Variants in SRPK2 observed in about 807,000 individuals in gnomAD.
SRPK2 encodes the protein SFRS protein kinase 2.
Under a neutral mutation model 90.8 loss-of-function variants are expected in SRPK2, and 21 were observed. That is an observed-to-expected ratio of 0.23 (90% CI 0.16 to 0.33). SRPK2 has a LOEUF of 0.33. Among genes scored for constraint, SRPK2 ranks in the 10% least tolerant of loss-of-function variants. The probability of loss-of-function intolerance (pLI) is 1.00; values close to 1 mark genes in which losing one functional copy is unlikely to be tolerated. For synonymous variants in SRPK2, 288 were observed against 311.1 expected (o/e 0.93, Z 0.78); for missense variants, 620 against 869.0 (o/e 0.71, Z 3.60).
chr7:105,380,420 C>T (rs1319715360), intron 2 of SRPK2, among the ~76,000 whole-genome samples: 1 of 151,968 alleles, frequency 6.6e-6, no homozygotes, highest in Non-Finnish European at 1.5e-5. Context: ...CATGCATATA[C>T]ATGTATGCTA....
chr7:105,388,407 G>A (rs1821902323), intron 2 of SRPK2, among the ~76,000 whole-genome samples: 1 of 148,374 alleles, frequency 6.7e-6, no homozygotes, highest in Admixed American at 6.7e-5. Flanking sequence ...GGCGACCCGG[G>A]GCGGGAGGTC....
intron 2 of SRPK2, among the ~76,000 whole-genome samples, chr7:105,242,527 A>T (rs1353986854): frequency 6.6e-6 from 1 of 152,138 alleles, no homozygotes; most frequent in African/African-American, 2.4e-5. Context: ...TAAATAAATA[A>T]ATAAAAAGCA....
In SRPK2 at chr7:105,231,689, T is replaced by C. The variant is rs563028172; in HGVS notation, c.72-27904A>G. 3.0e-4 allele frequency among the ~76,000 whole-genome samples: 46 copies of C among 152,390 alleles called. 1 individual carries two copies. The highest frequency in any genetic ancestry group is 4.1e-4 in the Non-Finnish European group (28 of 68,038). ...CTGAGATACTGAACTTTTTTTCATATGCTTATTGGCCCCATGTATGTCTTC... is the reference window on the plus strand; with the variant it reads ...CTGAGATACTGAACTTTTTTTCATACGCTTATTGGCCCCATGTATGTCTTC... On this transcript the variant is annotated intron_variant, in intron 2 of 15. Coordinates refer to ENST00000393651, the MANE Select transcript of SRPK2 (RefSeq NM_182692.3).
upstream of SRPK2, among the ~76,000 whole-genome samples, chr7:105,393,724 T>C (rs1822243854): frequency 6.6e-6 from 1 of 152,122 alleles, no homozygotes; most frequent in Non-Finnish European, 1.5e-5. Context: ...CAGTGTTTTT[T>C]AGCATATTCA....
chr7:105,307,169 G>A (rs1333851891), intron 2 of SRPK2, among the ~76,000 whole-genome samples: 1 of 152,046 alleles, frequency 6.6e-6, no homozygotes, highest in East Asian at 1.9e-4. Flanking sequence ...TGGGAGGGGA[G>A]GTAATCAAAG....
In SRPK2 at chr7:105,143,250, C is replaced by T; in HGVS notation, c.894G>A (p.Leu298=). Residue 298 remains leucine, a synonymous_variant, in exon 10 of 16, where the codon CTG becomes CTA. Coordinates refer to ENST00000393651, the MANE Select transcript of SRPK2 (RefSeq NM_182692.3). ...KRQAELLEKR[L]QEIEELEREA... ...CTCGCTCCAATTCTTCTATCTCCTG[C>T]AGGCGCTTCTCCAATAACTCAGCCT... The T allele has an allele frequency of 1.2e-6, 2 of 1,614,190 alleles. No homozygotes were observed. Among genetic ancestry groups the T allele is most frequent in the Non-Finnish European group, 1.7e-6 (2 of 1,180,038 alleles).
intron 7 of SRPK2, among the ~76,000 whole-genome samples, chr7:105,148,562 A>G (rs1204180007): frequency 1.3e-5 from 2 of 152,250 alleles, no homozygotes; most frequent in African/African-American, 4.8e-5. Context: ...TATTACATCA[A>G]TGACCATTCA....
chr7:105,367,733 C>T (rs770363858), intron 2 of SRPK2, among the ~76,000 whole-genome samples: 1 of 152,078 alleles, frequency 6.6e-6, no homozygotes, highest in Non-Finnish European at 1.5e-5. Flanking sequence ...CAAATAGTGC[C>T]GTGTACAGTC....
intron 2 of SRPK2, among the ~76,000 whole-genome samples, chr7:105,217,597 A>T (rs1797623553): frequency 6.6e-6 from 1 of 152,134 alleles, no homozygotes; most frequent in African/African-American, 2.4e-5. Flanking sequence ...CTCAGAACTG[A>T]TTTTCTCCTT....
intron 2 of SRPK2, among the ~76,000 whole-genome samples, chr7:105,289,759 A>C (rs980330266): frequency 6.6e-6 from 1 of 152,100 alleles, no homozygotes; most frequent in Non-Finnish European, 1.5e-5. Context: ...CTTTGCATTC[A>C]TACTTGTCTA....
At chr7:105,199,601 T>C (rs1585147380) in intron 3 of SRPK2, among the ~76,000 whole-genome samples, 1 of 152,068 alleles carries the variant, frequency 6.6e-6, no homozygotes, top group African/African-American at 2.4e-5. Flanking sequence ...GGGAAATCAA[T>C]CAACTAAGTC....
At chr7:105,323,874 TA>T (rs1414695559) in intron 2 of SRPK2, among the ~76,000 whole-genome samples, 1 of 152,196 alleles carries the variant, frequency 6.6e-6, no homozygotes, top group Non-Finnish European at 1.5e-5. Flanking sequence ...TTCTTCCAGA[TA>T]TGAAAGACCA....
At chr7:105,277,792 C>T (rs1806717218) in intron 2 of SRPK2, among the ~76,000 whole-genome samples, 1 of 152,198 alleles carries the variant, frequency 6.6e-6, no homozygotes, top group Non-Finnish European at 1.5e-5. Flanking sequence ...GTCACTCTCT[C>T]ATTAATAATC....
chr7:105,297,471 G>A, intron 2 of SRPK2: 1 of 985,306 alleles, frequency 1.0e-6, no homozygotes, highest in Non-Finnish European at 1.2e-6. Flanking sequence ...TCCCTGATAT[G>A]GTGGCCATCT....
intron 6 of SRPK2, among the ~76,000 whole-genome samples, chr7:105,163,555 G>A (rs1026482835): frequency 2.0e-5 from 3 of 152,172 alleles, no homozygotes; most frequent in African/African-American, 7.2e-5. Flanking sequence ...AGCACTTTGG[G>A]AAGCTGAGGC....
intron 2 of SRPK2, among the ~76,000 whole-genome samples, chr7:105,207,089 G>A (rs1796315350): frequency 6.6e-6 from 1 of 152,180 alleles, no homozygotes; most frequent in Non-Finnish European, 1.5e-5. Flanking sequence ...TTTCTCCTAG[G>A]GCAGAAATAG....
intron 2 of SRPK2, among the ~76,000 whole-genome samples, chr7:105,275,838 T>C (rs929814693): frequency 2.0e-5 from 3 of 152,198 alleles, no homozygotes; most frequent in Admixed American, 2.0e-4. Flanking sequence ...GCTGTGGGCA[T>C]GATATGCTCC....
chr7:105,174,281 T>C (rs1791552407), intron 3 of SRPK2, among the ~76,000 whole-genome samples: 3 of 152,118 alleles, frequency 2.0e-5, no homozygotes, highest in African/African-American at 7.2e-5. Context: ...TTTTTACCTA[T>C]TTGGGAGACT....
At chr7:105,354,121 T>C (rs957964032) in intron 2 of SRPK2, among the ~76,000 whole-genome samples, 3 of 152,166 alleles carry the variant, frequency 2.0e-5, no homozygotes, top group Non-Finnish European at 2.9e-5. Flanking sequence ...GGAGCAAGAA[T>C]GTGCCAAAAT....
Sources: allele counts gnomAD v4.1 joint callset (sites outside exome capture counted in the v4.1 genomes callset), GRCh38; gene constraint gnomAD v4.1.1; transcripts MANE v1.5; gene names NCBI Gene and HGNC (gene_info 2026-07-23, HGNC 2026-07-21).